The following DLGAP1 variants were observed in gnomAD, a reference collection of about 807,000 sequenced individuals.
The protein encoded by DLGAP1 is DLG associated protein 1.
In DLGAP1, 11 loss-of-function variants were observed where a neutral mutation model predicts 90.8. The observed-to-expected ratio is 0.12, with a 90% CI of 0.08 to 0.20. The LOEUF is 0.20. DLGAP1 is among the 10% of genes least tolerant of loss of function. DLGAP1 has a pLI of 1.00. For missense variants in DLGAP1, 1,050 were observed against 1,333.8 expected, an observed-to-expected ratio of 0.79 and a Z score of 3.31; for synonymous variants, 558 against 540.7, an observed-to-expected ratio of 1.03 and a Z score of -0.44.
intron 1 of DLGAP1, among the ~76,000 whole-genome samples, chr18:4,345,983 A>G (rs1296816966): frequency 6.6e-6 from 1 of 152,182 alleles, no homozygotes; most frequent in Admixed American, 6.5e-5. Context: ...TGATCCTTTC[A>G]AGAAGGTGTC....
intron 7 of DLGAP1, among the ~76,000 whole-genome samples, chr18:3,591,939 C>T (rs567859104): frequency 2.0e-5 from 3 of 152,188 alleles, no homozygotes; most frequent in South Asian, 4.2e-4. Context: ...TTCTCAGCCC[C>T]TGGACCTGTT....
intron 1 of DLGAP1, among the ~76,000 whole-genome samples, chr18:4,238,428 C>G (rs2145109870): frequency 6.6e-6 from 1 of 152,294 alleles, no homozygotes; most frequent in Non-Finnish European, 1.5e-5. Context: ...GTCAATTTGA[C>G]AACTTCTTGA....
chr18:3,528,633 G>A (rs1422386979), intron 10 of DLGAP1, among the ~76,000 whole-genome samples: 1 of 152,196 alleles, frequency 6.6e-6, no homozygotes, highest in Non-Finnish European at 1.5e-5. Flanking sequence ...AAGTCTCTAG[G>A]CCATCGTCAG....
At chr18:3,912,252 G>A (rs2072051427) in intron 3 of DLGAP1, among the ~76,000 whole-genome samples, 1 of 152,118 alleles carries the variant, frequency 6.6e-6, no homozygotes, top group Non-Finnish European at 1.5e-5. Context: ...GTTGTTTTAG[G>A]TGAGACAATG....
chr18:4,000,137 T>C (rs2074152658), intron 3 of DLGAP1, among the ~76,000 whole-genome samples: 1 of 152,230 alleles, frequency 6.6e-6, no homozygotes, highest in Non-Finnish European at 1.5e-5. Flanking sequence ...TAGAAATGTT[T>C]GTGCTATTTT....
intron 1 of DLGAP1, among the ~76,000 whole-genome samples, chr18:4,363,860 G>A (rs1439806444): frequency 6.6e-6 from 1 of 151,238 alleles, no homozygotes; most frequent in Non-Finnish European, 1.5e-5. Context: ...ATTCCTCAGG[G>A]ATCTAGAACT....
In DLGAP1 at chr18:3,879,347, T is replaced by C. The variant is rs773209518; in HGVS notation, c.722A>G (p.Asn241Ser). The C allele has an allele frequency of 1.2e-6, 2 of 1,612,258 alleles. No individual in the cohort carries two copies. Among genetic ancestry groups the C allele is most frequent in the South Asian group, 1.1e-5 (1 of 90,792 alleles). Residue 241 changes from asparagine to serine, a missense_variant, in exon 4 of 13, where the codon AAC becomes AGC. By Grantham distance (46) the Asn-to-Ser change is conservative. This residue lies in a region of DLGAP1 where 485 missense variants were observed against 454.1 expected (regional missense o/e 1.07). Transcript: ENST00000315677. The surrounding 1 kb of genome is among the most constrained non-coding windows in gnomAD (Gnocchi z 6.6). ...CTTCACCGCCTGCTCGCTGATGGTG[T>C]TGTAGGCCTCCAGGAAGTACTGTGA... ...SASQYFLEAY[N>S]TISEQAVKAS...
At chr18:3,659,394 T>TATACACACACAC (rs1555618610) in intron 7 of DLGAP1, among the ~76,000 whole-genome samples, 9 of 102,178 alleles carry the variant, frequency 8.8e-5, no homozygotes, top group African/African-American at 4.3e-4. Flanking sequence ...CATACATTTA[T>TATACACACACAC]ACACACACAC....
intron 1 of DLGAP1, among the ~76,000 whole-genome samples, chr18:4,334,581 T>C (rs1406849011): frequency 6.6e-6 from 1 of 151,862 alleles, no homozygotes; most frequent in African/African-American, 2.4e-5. Flanking sequence ...ATGGGTCATG[T>C]GTCTTCAGCA....
At chr18:3,795,837 A>G (rs1031285644) in intron 5 of DLGAP1, among the ~76,000 whole-genome samples, 2 of 152,112 alleles carry the variant, frequency 1.3e-5, no homozygotes, top group Non-Finnish European at 2.9e-5. Flanking sequence ...AATAAAACAC[A>G]AAGGTTCTCC....
chr18:4,256,341 A>G (rs2078887141), intron 1 of DLGAP1, among the ~76,000 whole-genome samples: 1 of 152,214 alleles, frequency 6.6e-6, no homozygotes, highest in South Asian at 2.1e-4. Flanking sequence ...TCGAGGTTAC[A>G]GTGAACTATG....
At chr18:3,948,012 A>G (rs1315801061) in intron 3 of DLGAP1, among the ~76,000 whole-genome samples, 5 of 152,186 alleles carry the variant, frequency 3.3e-5, no homozygotes, top group Admixed American at 2.6e-4. Flanking sequence ...CTGTAGCTCA[A>G]AGCAAAAGGT....
At chr18:4,227,157 A>G (rs1432307173) in intron 1 of DLGAP1, among the ~76,000 whole-genome samples, 1 of 152,034 alleles carries the variant, frequency 6.6e-6, no homozygotes, top group African/African-American at 2.4e-5. Flanking sequence ...AAGAGGATAT[A>G]ACAATTGTAA....
chr18:3,643,495 C>T (rs1239135731), intron 7 of DLGAP1, among the ~76,000 whole-genome samples: 1 of 151,822 alleles, frequency 6.6e-6, no homozygotes, highest in Non-Finnish European at 1.5e-5. Context: ...AACCTCGTCT[C>T]TACTAAAAAT....
intron 3 of DLGAP1, among the ~76,000 whole-genome samples, chr18:3,950,138 G>C (rs2072955403): frequency 6.6e-6 from 1 of 152,052 alleles, no homozygotes; most frequent in Non-Finnish European, 1.5e-5. Context: ...AAGAATAATA[G>C]CTTGAGTACC....
chr18:3,915,790 A>G (rs2148902506), intron 3 of DLGAP1, among the ~76,000 whole-genome samples: 1 of 152,104 alleles, frequency 6.6e-6, no homozygotes, highest in Admixed American at 6.5e-5. Flanking sequence ...TTGAAACCTT[A>G]TTTATTTTTT....
intron 10 of DLGAP1, among the ~76,000 whole-genome samples, chr18:3,514,495 AT>A (rs2050718255): frequency 6.6e-6 from 1 of 152,026 alleles, no homozygotes; most frequent in East Asian, 1.9e-4. Context: ...AACTCGTCAC[AT>A]TTTTCTGCCA....
At chr18:3,572,069 G>GTTTTTTTTTTTTTTTTTTTTTTTTTTTGT (rs67491547) in intron 8 of DLGAP1, among the ~76,000 whole-genome samples, 1 of 105,620 alleles carries the variant, frequency 9.5e-6, no homozygotes, top group Non-Finnish European at 1.8e-5. Context: ...TTTCTTCTAG[G>GTTTTTTTTTTTTTTTTTTTTTTTTTTTGT]TTTTTTTTTT....
chr18:3,784,037 T>C (rs1290745471), intron 5 of DLGAP1, among the ~76,000 whole-genome samples: 1 of 152,222 alleles, frequency 6.6e-6, no homozygotes, highest in Non-Finnish European at 1.5e-5. Context: ...TATGCTGATC[T>C]TGTGTGTCCA....
Sources: gnomAD v4.1 joint callset for allele counts (sites outside exome capture counted in the v4.1 genomes callset) on GRCh38, gnomAD v4.1.1 for gene constraint, gnomAD v4.1.1 regional missense constraint, Gnocchi (gnomAD v3.1) non-coding constraint, MANE v1.5 for transcripts, NCBI Gene and HGNC (gene_info 2026-07-23, HGNC 2026-07-21) for gene names.